CSMD1: variants seen among roughly 807,000 people sequenced by gnomAD.
CSMD1 encodes the protein CUB and sushi domain-containing protein 1.
A neutral mutation model predicts 417.5 loss-of-function variants in CSMD1; 213 were observed. That is an observed-to-expected ratio of 0.51 (90% confidence interval 0.46 to 0.57). CSMD1 has a LOEUF of 0.57. CSMD1 is among the 20% of genes least tolerant of loss of function. The probability of loss-of-function intolerance (pLI) is 0.00; values close to 1 mark genes in which losing one functional copy is unlikely to be tolerated. For missense variants in CSMD1, 6,923 were observed against 4,529.7 expected (o/e 1.53, Z -15.17); for synonymous variants, 2,862 against 1,736.8 (o/e 1.65, Z -16.11).
intron 11 of CSMD1, among the ~76,000 whole-genome samples, chr8:3,473,517 T>G (rs780130869): frequency 6.6e-5 from 10 of 152,210 alleles, no homozygotes; most frequent in Non-Finnish European, 1.2e-4. Context: ...TATTTTGGCT[T>G]GCTAACACTG....
At chr8:3,046,965 T>C (rs935969447) in intron 50 of CSMD1, among the ~76,000 whole-genome samples, 1 of 152,168 alleles carries the variant, frequency 6.6e-6, no homozygotes, top group Non-Finnish European at 1.5e-5. Flanking sequence ...ATGCCGGCAC[T>C]TTGGGAGGCC....
At chr8:4,484,980 C>CAAAAAAAAAAAAAAAAAAAAAA (rs57398278) in intron 2 of CSMD1, among the ~76,000 whole-genome samples, 3 of 53,940 alleles carry the variant, frequency 5.6e-5, no homozygotes, top group Non-Finnish European at 9.4e-5. Flanking sequence ...GACTCTGCCT[C>CAAAAAAAAAAAAAAAAAAAAAA]AAAAAAAAAA....
chr8:4,116,283 C>A (rs909636444), intron 3 of CSMD1, among the ~76,000 whole-genome samples: 1 of 152,024 alleles, frequency 6.6e-6, no homozygotes, highest in Non-Finnish European at 1.5e-5. Context: ...TGTGAGCCAC[C>A]GCACCCAACA....
At chr8:4,393,748 C>T (rs931479951) in intron 3 of CSMD1, among the ~76,000 whole-genome samples, 2 of 152,184 alleles carry the variant, frequency 1.3e-5, no homozygotes, top group African/African-American at 4.8e-5. Flanking sequence ...TGCCTTCAGA[C>T]ATTCATTGCC....
chr8:4,659,699 T>C (rs1295074445), intron 1 of CSMD1, among the ~76,000 whole-genome samples: 2 of 152,180 alleles, frequency 1.3e-5, no homozygotes, highest in African/African-American at 2.4e-5. Context: ...GATGATAAAC[T>C]GTTTCTCATA....
intron 25 of CSMD1, among the ~76,000 whole-genome samples, chr8:3,295,387 A>G (rs1367322193): frequency 6.6e-6 from 1 of 152,048 alleles, no homozygotes; most frequent in Non-Finnish European, 1.5e-5. Context: ...CGGCCTCCCA[A>G]AGTGCTGGGA....
At chr8:3,154,241 G>A (rs1019426478) in intron 39 of CSMD1, among the ~76,000 whole-genome samples, 4 of 152,224 alleles carry the variant, frequency 2.6e-5, no homozygotes, top group Non-Finnish European at 5.9e-5. Flanking sequence ...CCGAAGTGAG[G>A]GGATTACAGG....
chr8:4,781,589 C>G (rs1406477903), intron 1 of CSMD1, among the ~76,000 whole-genome samples: 1 of 152,162 alleles, frequency 6.6e-6, no homozygotes, highest in African/African-American at 2.4e-5. Context: ...GATCTTATTT[C>G]AAATCTAGTC....
At chr8:3,751,021 T>C (rs1797310880) in intron 6 of CSMD1, among the ~76,000 whole-genome samples, 1 of 152,086 alleles carries the variant, frequency 6.6e-6, no homozygotes, top group African/African-American at 2.4e-5. Flanking sequence ...CTTCAGAGGG[T>C]GGTGTCTAGT....
intron 2 of CSMD1, among the ~76,000 whole-genome samples, chr8:4,462,477 G>A (rs139602121): frequency 1.6e-3 from 238 of 152,092 alleles, no homozygotes; most frequent in African/African-American, 5.3e-3. Context: ...GCTTATTTGC[G>A]TACATTAACA....
intron 3 of CSMD1, among the ~76,000 whole-genome samples, chr8:4,054,607 G>A (rs976522541): frequency 1.3e-5 from 2 of 152,032 alleles, no homozygotes; most frequent in Non-Finnish European, 1.5e-5. Context: ...GGTGTATTTA[G>A]CTTATTTCCC....
chr8:3,702,802 C>G (rs1047209997), intron 7 of CSMD1, among the ~76,000 whole-genome samples: 11 of 152,328 alleles, frequency 7.2e-5, no homozygotes, highest in Admixed American at 3.9e-4. Context: ...ACACTCCAGC[C>G]TGGGTGACAG....
chr8:4,415,508 T>C (rs1217926153), intron 3 of CSMD1, among the ~76,000 whole-genome samples: 1 of 152,202 alleles, frequency 6.6e-6, no homozygotes. Flanking sequence ...AGACCTGCTC[T>C]TTCCCTTGCT....
rs976334053 is a variant in CSMD1 at position 4,788,063 on chromosome 8, G to C, written c.86-150505C>G. 15 of 1,596,060 alleles carry C rather than the reference G, an allele frequency of 9.4e-6. No homozygotes were observed. In the Admixed American group the frequency reaches 2.1e-4, roughly 22 times the overall value. On this transcript the variant is annotated intron_variant, in intron 1 of 69. Coordinates refer to ENST00000635120, the MANE Select transcript of CSMD1 (RefSeq NM_033225.6). The stretch of plus-strand genomic sequence containing the variant: ...AAATGGTAAAGAAAAACTTTGAGTG[G>C]GTTGCAGAGAAAGTAGAGTTGCTTT...
intron 37 of CSMD1, among the ~76,000 whole-genome samples, chr8:3,169,743 T>C (rs1563106232): frequency 1.3e-5 from 2 of 152,198 alleles, no homozygotes; most frequent in African/African-American, 2.4e-5. Flanking sequence ...ACAAGGCACC[T>C]GTGAGATATA....
At chr8:3,749,848 G>A (rs970422619) in intron 6 of CSMD1, among the ~76,000 whole-genome samples, 1 of 151,980 alleles carries the variant, frequency 6.6e-6, no homozygotes, top group Non-Finnish European at 1.5e-5. Flanking sequence ...CACTGAGGTG[G>A]TTCGCGGTGG....
At chr8:4,522,734 A>G (rs952173578) in intron 2 of CSMD1, among the ~76,000 whole-genome samples, 1 of 152,022 alleles carries the variant, frequency 6.6e-6, no homozygotes, top group Non-Finnish European at 1.5e-5. Flanking sequence ...CCCTATCCAC[A>G]CGTGCCTGGG....
chr8:3,831,983 C>T (rs1270057479), intron 5 of CSMD1, among the ~76,000 whole-genome samples: 1 of 152,132 alleles, frequency 6.6e-6, no homozygotes, highest in African/African-American at 2.4e-5. Flanking sequence ...TTTGTGTTGC[C>T]ACCATCCACA....
intron 10 of CSMD1, among the ~76,000 whole-genome samples, chr8:3,551,578 G>GTATATATA (rs55961739): frequency 2.7e-4 from 32 of 117,696 alleles, no homozygotes; most frequent in African/African-American, 1.0e-3. Context: ...TAATAAATAT[G>GTATATATA]TATATATATA....
Sources: gnomAD v4.1 joint callset for allele counts (sites outside exome capture counted in the v4.1 genomes callset) on GRCh38, gnomAD v4.1.1 for gene constraint, MANE v1.5 for transcripts, NCBI Gene and HGNC (gene_info 2026-07-23, HGNC 2026-07-21) for gene names.